The following CNTNAP2 variants were observed in gnomAD, a reference collection of about 807,000 sequenced individuals.
CNTNAP2 encodes contactin-associated protein-like 2.
Under a neutral mutation model 155.2 loss-of-function variants are expected in CNTNAP2, and 98 were observed. The ratio of observed to expected loss-of-function variants is 0.63; its 90% CI spans 0.54 to 0.75. The LOEUF (loss-of-function observed/expected upper bound fraction) is 0.75, where lower values mean the gene tolerates loss of function less well. Among genes scored for constraint, CNTNAP2 ranks in the 30% least tolerant of loss-of-function variants. The probability of loss-of-function intolerance (pLI) is 0.00; values close to 1 mark genes in which losing one functional copy is unlikely to be tolerated. For missense variants in CNTNAP2, 1,727 were observed against 1,688.1 expected (o/e 1.02, Z -0.40); for synonymous variants, 651 against 631.2 (o/e 1.03, Z -0.47).
intron 3 of CNTNAP2, among the ~76,000 whole-genome samples, chr7:146,910,854 C>T (rs1419334665): frequency 6.7e-6 from 1 of 150,248 alleles, no homozygotes; most frequent in Non-Finnish European, 1.5e-5. Flanking sequence ...AAACTACCAT[C>T]AGAGTGAACA....
intron 8 of CNTNAP2, among the ~76,000 whole-genome samples, chr7:147,168,474 A>G (rs1250019446): frequency 6.6e-6 from 1 of 152,106 alleles, no homozygotes; most frequent in Non-Finnish European, 1.5e-5. Context: ...TGCTTCTGGA[A>G]TATAAATATT....
intron 2 of CNTNAP2, among the ~76,000 whole-genome samples, chr7:146,813,159 C>T (rs2129194267): frequency 6.6e-6 from 1 of 152,298 alleles, no homozygotes; most frequent in African/African-American, 2.4e-5. Flanking sequence ...ACAGAGTCCC[C>T]ACTGGGGCAC....
chr7:146,581,748 G>T (rs1481234974), intron 1 of CNTNAP2, among the ~76,000 whole-genome samples: 1 of 151,922 alleles, frequency 6.6e-6, no homozygotes, highest in East Asian at 1.9e-4. Context: ...TATGTTTTAA[G>T]CTACTTTAAT....
chr7:147,051,436 A>G (rs1328039268), intron 4 of CNTNAP2, among the ~76,000 whole-genome samples: 1 of 151,988 alleles, frequency 6.6e-6, no homozygotes, highest in Non-Finnish European at 1.5e-5. Flanking sequence ...CCTCAAGGAG[A>G]TGAATTTTTG....
chr7:146,771,722 T>G (rs780763923), intron 1 of CNTNAP2, among the ~76,000 whole-genome samples: 12 of 152,184 alleles, frequency 7.9e-5, no homozygotes, highest in Non-Finnish European at 1.5e-4. Context: ...TTGTATACAA[T>G]TGAGTGGTGA....
rs1022870003 is a variant in CNTNAP2 at position 148,147,430 on chromosome 7, T to A, written c.2555-61T>A. The A allele has an allele frequency of 3.3e-6, 5 of 1,498,436 alleles. No homozygotes were observed. In the African/African-American group the frequency reaches 6.9e-5, roughly 21 times the overall value. 92.8% of individuals were successfully genotyped at this position (1,498,436 alleles called of 1,614,324 possible). ...CCTGCTTTGTTTGTCGTCTAGAATT[T>A]ACTGCTATTTGGTATCTGGGAGAAA... is the stretch of plus-strand genomic sequence containing the variant. On this transcript the variant is annotated intron_variant, in intron 16 of 23. Coordinates refer to ENST00000361727, the MANE Select transcript of CNTNAP2 (RefSeq NM_014141.6).
rs772731379 is a variant in CNTNAP2, at chr7:147,586,523, G to GAAGAGGGAGGAAGGAAGGAAGGAAGGAA, written c.1897+24267_1897+24268insAGAGGGAGGAAGGAAGGAAGGAAGGAAA. On this transcript the variant is annotated intron_variant, in intron 12 of 23. Transcript: ENST00000361727. ...TACACACACACCCACAGAGAGAGAAGAGGAAGGAAGGAAGGAAGGAAGGGA... is the reference window on the plus strand; with the variant it reads ...TACACACACACCCACAGAGAGAGAAGAAGAGGGAGGAAGGAAGGAAGGAAGGAAAGGAAGGAAGGAAGGAAGGAAGGGA... Among the ~76,000 whole-genome samples, 88 of 42,036 alleles carry GAAGAGGGAGGAAGGAAGGAAGGAAGGAA rather than the reference G, an allele frequency of 2.1e-3. 13 individuals are homozygous for GAAGAGGGAGGAAGGAAGGAAGGAAGGAA. The highest frequency in any genetic ancestry group is 0.012 in the African/African-American group (81 of 6,918). The allele number at this position is 42,036 out of a possible 152,430, so 27.6% of individuals were successfully genotyped here.
chr7:146,211,869 C>T (rs938760125), intron 1 of CNTNAP2, among the ~76,000 whole-genome samples: 3 of 151,842 alleles, frequency 2.0e-5, no homozygotes, highest in African/African-American at 7.3e-5. Context: ...AAGACAAATT[C>T]TATATTTTTT....
At chr7:147,463,980 A>AT (rs869135577) in intron 10 of CNTNAP2, among the ~76,000 whole-genome samples, 1 of 150,292 alleles carries the variant, frequency 6.7e-6, no homozygotes, top group African/African-American at 2.4e-5. Context: ...AAAAAAAAAA[A>AT]GAGCTAGAGC....
At chr7:147,842,134 A>C (rs1361159021) in intron 13 of CNTNAP2, among the ~76,000 whole-genome samples, 1 of 152,252 alleles carries the variant, frequency 6.6e-6, no homozygotes, top group Non-Finnish European at 1.5e-5. Context: ...TGCTCTTCAC[A>C]ACCACAAAAA....
intron 1 of CNTNAP2, among the ~76,000 whole-genome samples, chr7:146,134,053 A>G (rs1797759086): frequency 6.7e-6 from 1 of 148,914 alleles, no homozygotes; most frequent in Non-Finnish European, 1.5e-5. Flanking sequence ...TGAGCATGGA[A>G]TGTTCTTCCA....
chr7:148,132,440 G>A (rs1052440754), intron 16 of CNTNAP2, among the ~76,000 whole-genome samples: 6 of 149,478 alleles, frequency 4.0e-5, no homozygotes, highest in African/African-American at 1.5e-4. Flanking sequence ...TTGTGCTCTA[G>A]AAGTTTCTGA....
intron 23 of CNTNAP2, among the ~76,000 whole-genome samples, chr7:148,409,700 T>C (rs970835331): frequency 1.3e-5 from 2 of 151,442 alleles, no homozygotes; most frequent in African/African-American, 4.9e-5. Context: ...GCAGATCACC[T>C]GAGGTCAGGA....
At chr7:146,173,268 C>G (rs1798420904) in intron 1 of CNTNAP2, among the ~76,000 whole-genome samples, 1 of 152,018 alleles carries the variant, frequency 6.6e-6, no homozygotes, top group Admixed American at 6.6e-5. Flanking sequence ...TATCTAATCT[C>G]ATATTAAGGA....
chr7:147,643,213 G>T (rs1401993804), intron 13 of CNTNAP2, among the ~76,000 whole-genome samples: 1 of 152,148 alleles, frequency 6.6e-6, no homozygotes, highest in Non-Finnish European at 1.5e-5. Context: ...GAATATTAGG[G>T]CTTGTCTGAC....
intron 15 of CNTNAP2, among the ~76,000 whole-genome samples, chr7:148,045,826 A>C (rs1488680214): frequency 6.6e-6 from 1 of 152,228 alleles, no homozygotes; most frequent in Non-Finnish European, 1.5e-5. Flanking sequence ...TAAACAGTTC[A>C]TATGTTATAT....
intron 9 of CNTNAP2, among the ~76,000 whole-genome samples, chr7:147,358,493 A>ACC (rs1796097906): frequency 6.6e-6 from 1 of 152,148 alleles, no homozygotes; most frequent in African/African-American, 2.4e-5. Flanking sequence ...TAGCTGAGTA[A>ACC]TAGGTTGCAG....
intron 1 of CNTNAP2, among the ~76,000 whole-genome samples, chr7:146,513,614 T>C (rs1347265979): frequency 6.6e-6 from 1 of 151,954 alleles, no homozygotes; most frequent in East Asian, 1.9e-4. Context: ...TTGACCTTTT[T>C]GTTGTCTCAG....
intron 11 of CNTNAP2, among the ~76,000 whole-genome samples, chr7:147,494,245 T>C (rs1015932): frequency 0.7 from 105,623 of 151,850 alleles, 36,916 homozygotes; most frequent in African/African-American, 0.74. Context: ...TTCTATCTTT[T>C]GGCCACAACC....
Sources: allele counts gnomAD v4.1 joint callset (sites outside exome capture counted in the v4.1 genomes callset), GRCh38; gene constraint gnomAD v4.1.1; transcripts MANE v1.5; gene names NCBI Gene and HGNC (gene_info 2026-07-23, HGNC 2026-07-21).